The following MYRIP variants were observed in gnomAD, a reference collection of about 807,000 sequenced individuals.
MYRIP encodes myosin VIIA and Rab interacting protein.
MYRIP carries 49 observed loss-of-function variants against 98.0 expected under a neutral mutation model. The observed-to-expected ratio is 0.50, with a 90% CI of 0.40 to 0.63. The LOEUF (loss-of-function observed/expected upper bound fraction) is 0.63, where lower values mean the gene tolerates loss of function less well. Ranked by LOEUF, MYRIP falls within the 30% of genes least tolerant of loss-of-function variation. The probability of loss-of-function intolerance (pLI) is 0.00; values close to 1 mark genes in which losing one functional copy is unlikely to be tolerated. For missense variants in MYRIP, 1,004 were observed against 1,058.2 expected (o/e 0.95, Z 0.71); for synonymous variants, 404 against 409.5 (o/e 0.99, Z 0.16).
chr3:39,996,813 C>G (rs925095881), intron 2 of MYRIP, among the ~76,000 whole-genome samples: 4 of 152,128 alleles, frequency 2.6e-5, no homozygotes, highest in African/African-American at 9.7e-5. Flanking sequence ...TGTAAAAGAA[C>G]AGAAATAATA....
chr3:40,124,679 A>C (rs1437698101), intron 3 of MYRIP, among the ~76,000 whole-genome samples: 1 of 152,168 alleles, frequency 6.6e-6, no homozygotes, highest in Non-Finnish European at 1.5e-5. Flanking sequence ...CCTGGCAGGG[A>C]TATTCTGGCA....
chr3:40,105,121 A>C (rs1949028901), intron 3 of MYRIP, among the ~76,000 whole-genome samples: 1 of 152,186 alleles, frequency 6.6e-6, no homozygotes, highest in African/African-American at 2.4e-5. Context: ...ATCATGGAAC[A>C]GGAGAATTTA....
At chr3:39,895,800 A>G (rs1165631527) in intron 1 of MYRIP, among the ~76,000 whole-genome samples, 1 of 152,206 alleles carries the variant, frequency 6.6e-6, no homozygotes, top group Non-Finnish European at 1.5e-5. Context: ...ATGATGAGAG[A>G]TGATTTGCAA....
intron 1 of MYRIP, among the ~76,000 whole-genome samples, chr3:39,895,965 ATG>A (rs1216051119): frequency 1.3e-5 from 2 of 152,044 alleles, no homozygotes; most frequent in Non-Finnish European, 2.9e-5. Flanking sequence ...ATACATGCCT[ATG>A]TATCTCATCC....
intron 8 of MYRIP, among the ~76,000 whole-genome samples, chr3:40,172,858 G>A (rs1033982316): frequency 6.6e-6 from 1 of 152,096 alleles, no homozygotes; most frequent in African/African-American, 2.4e-5. Flanking sequence ...TCCACTCACT[G>A]CATCTTGGGG....
At chr3:39,879,786 A>ATC (rs1482695987) in intron 1 of MYRIP, among the ~76,000 whole-genome samples, 1 of 152,152 alleles carries the variant, frequency 6.6e-6, no homozygotes, top group Non-Finnish European at 1.5e-5. Context: ...CCTCCTTGGC[A>ATC]TCTCTCCCAC....
At chr3:40,244,729 G>T in intron 13 of MYRIP, 122 bp downstream of exon 13, 1 of 1,083,258 alleles carries the variant, frequency 9.2e-7, no homozygotes, top group Non-Finnish European at 1.3e-6. Context: ...GCATGTTTGC[G>T]TGGATACAGT....
At chr3:40,207,237 C>T (rs1471756141) in intron 10 of MYRIP, among the ~76,000 whole-genome samples, 1 of 152,208 alleles carries the variant, frequency 6.6e-6, no homozygotes, top group Non-Finnish European at 1.5e-5. Context: ...CAGCTTCATG[C>T]ACCCTGGGTC....
intron 11 of MYRIP, among the ~76,000 whole-genome samples, chr3:40,215,016 GCTT>G (rs974855791): frequency 2.6e-5 from 4 of 152,092 alleles, no homozygotes; most frequent in Admixed American, 2.0e-4. Context: ...ATAGGTTTTT[GCTT>G]CTTAACATAA....
intron 2 of MYRIP, among the ~76,000 whole-genome samples, chr3:39,981,740 A>G (rs1167606026): frequency 1.3e-5 from 2 of 152,208 alleles, no homozygotes; most frequent in African/African-American, 4.8e-5. Flanking sequence ...ATTTCTTCCA[A>G]TTGCAGGAAC....
chr3:40,175,858 C>T (rs1950741242), intron 8 of MYRIP, among the ~76,000 whole-genome samples: 1 of 152,188 alleles, frequency 6.6e-6, no homozygotes, highest in Non-Finnish European at 1.5e-5. Flanking sequence ...AGGGACTGAC[C>T]CTGGCCAAAG....
At position 39,953,445 on chromosome 3, in the gene MYRIP, T is replaced by C. The variant is rs923468654; in HGVS notation, c.110+52519T>C. 9.9e-5 allele frequency among the ~76,000 whole-genome samples: 15 copies of C among 152,212 alleles called. 1 individual carries two copies. The highest frequency in any genetic ancestry group is 2.1e-4 in the Non-Finnish European group (14 of 68,028). On this transcript the variant is annotated intron_variant, in intron 2 of 16. Coordinates refer to ENST00000302541, the MANE Select transcript of MYRIP (RefSeq NM_015460.4). The stretch of plus-strand genomic sequence containing the variant: ...CCTGCCTTACAGTGTTTTTAATTCA[T>C]TGATTAATGCTTTCATTGTTAGGCA...
chr3:40,053,475 A>T (rs1402575376), intron 3 of MYRIP, among the ~76,000 whole-genome samples: 1 of 152,218 alleles, frequency 6.6e-6, no homozygotes, highest in African/African-American at 2.4e-5. Flanking sequence ...ATATCAATAG[A>T]TTAAAGAACA....
Position 40,190,071 on chromosome 3 carries a change from C to T in MYRIP, c.1273C>T (p.Pro425Ser). The change falls in exon 10 of 17, where the codon CCC becomes TCC. Residue 425 changes from proline (P) to serine (S), a missense_variant. Around this residue, in one of 3 missense-constraint regions of MYRIP, gnomAD observed 880 missense variants for 907.7 expected, o/e 0.97. Coordinates refer to ENST00000302541, the MANE Select transcript of MYRIP (RefSeq NM_015460.4). ...RALPRNPQPQ[P>S]TQAQSSDQGP... ...CCTGCCCAGGAACCCCCAGCCTCAG[C>T]CCACACAGGCCCAGAGCTCTGACCA... 1 of 1,613,960 alleles carries T rather than the reference C, an allele frequency of 6.2e-7. No individual in the cohort carries two copies. Among genetic ancestry groups the T allele is most frequent in the Non-Finnish European group, 8.5e-7 (1 of 1,179,926 alleles).
intron 2 of MYRIP, among the ~76,000 whole-genome samples, chr3:39,930,671 G>T (rs1379581903): frequency 1.3e-5 from 2 of 151,948 alleles, no homozygotes; most frequent in Non-Finnish European, 2.9e-5. Context: ...TTAAATTGAG[G>T]TCTTTGGTCC....
intron 3 of MYRIP, among the ~76,000 whole-genome samples, chr3:40,120,458 C>T (rs1012316227): frequency 5.3e-5 from 8 of 152,180 alleles, no homozygotes; most frequent in African/African-American, 1.9e-4. Flanking sequence ...GCAAAACAGG[C>T]TCACATCAGT....
chr3:39,945,692 A>C (rs1944885834), intron 2 of MYRIP, among the ~76,000 whole-genome samples: 1 of 152,046 alleles, frequency 6.6e-6, no homozygotes, highest in Non-Finnish European at 1.5e-5. Flanking sequence ...AAAGTTAATC[A>C]AAAGAGAGAT....
chr3:39,878,435 C>T (rs543718693), intron 1 of MYRIP, among the ~76,000 whole-genome samples: 13 of 152,252 alleles, frequency 8.5e-5, no homozygotes, highest in Non-Finnish European at 1.3e-4. Flanking sequence ...CCATCTTCTG[C>T]GTCACTCATG....
At chr3:39,828,510 G>A (rs997358750) in intron 1 of MYRIP, among the ~76,000 whole-genome samples, 1 of 151,814 alleles carries the variant, frequency 6.6e-6, no homozygotes, top group Non-Finnish European at 1.5e-5. Flanking sequence ...AGTTATTGGG[G>A]TACAGGTGGT....
Sources: allele counts gnomAD v4.1 joint callset (sites outside exome capture counted in the v4.1 genomes callset), GRCh38; gene constraint gnomAD v4.1.1; regional missense constraint gnomAD v4.1.1; transcripts MANE v1.5; gene names NCBI Gene and HGNC (gene_info 2026-07-23, HGNC 2026-07-21).